The following PCDH11X variants were observed in gnomAD, a reference collection of about 807,000 sequenced individuals.
The protein encoded by PCDH11X is protocadherin-11 X-linked.
In PCDH11X, 18 loss-of-function variants were observed where a neutral mutation model predicts 53.3. That is an observed-to-expected ratio of 0.34 (90% CI 0.23 to 0.50). PCDH11X has a LOEUF of 0.50. PCDH11X is among the 20% of genes least tolerant of loss of function. The probability of loss-of-function intolerance (pLI) is 0.98; values close to 1 mark genes in which losing one functional copy is unlikely to be tolerated. For missense variants in PCDH11X, 570 were observed against 1,032.4 expected (o/e 0.55, Z 6.14); for synonymous variants, 279 against 393.3 (o/e 0.71, Z 3.44).
At chrX:92,340,295 C>A (rs5984929) in intron 8 of PCDH11X, among the ~76,000 whole-genome samples, 1 of 110,800 alleles carries the variant, frequency 9.0e-6, no homozygotes, top group African/African-American at 3.3e-5. Flanking sequence ...ACAGTATGAG[C>A]TCTCAGTGGG....
chrX:91,945,034 G>A (rs1260847034), intron 6 of PCDH11X, among the ~76,000 whole-genome samples: 35 of 54,081 alleles, frequency 6.5e-4, no homozygotes, highest in African/African-American at 2.0e-3. Context: ...CTAAGTCTTC[G>A]TAGACATCAT....
intron 9 of PCDH11X, among the ~76,000 whole-genome samples, chrX:92,410,318 G>A (rs1217347580): frequency 9.5e-6 from 1 of 105,389 alleles, no homozygotes; most frequent in Non-Finnish European, 1.9e-5. Context: ...TGGAGATAGA[G>A]TGAATCACCT....
intron 8 of PCDH11X, among the ~76,000 whole-genome samples, chrX:92,312,450 C>T (rs2068970879): frequency 9.1e-6 from 1 of 109,725 alleles, no homozygotes; most frequent in South Asian, 3.9e-4. Flanking sequence ...TGTAATAATA[C>T]GATTTTTATA....
At position 91,857,235 on chromosome X, in the gene PCDH11X, AT is replaced by A. The variant is rs763060627; in HGVS notation, c.541-19544del. On this transcript the variant is annotated intron_variant, in intron 5 of 10. Transcript: ENST00000682573. ...GAAACCATCAGATCTCATGAGACTTATTCACTATCACAAGAACAGCACAGGA... is the reference window on the plus strand; with the variant it reads ...GAAACCATCAGATCTCATGAGACTTATCACTATCACAAGAACAGCACAGGA... 1.1e-3 allele frequency among the ~76,000 whole-genome samples: 123 copies of A among 110,954 alleles called. 3 individuals are homozygous for A. The South Asian group carries it at 0.048, about 43-fold the overall frequency.
intron 6 of PCDH11X, among the ~76,000 whole-genome samples, chrX:92,185,461 A>T (rs1003613866): frequency 8.1e-5 from 9 of 111,382 alleles, no homozygotes; most frequent in African/African-American, 2.9e-4. Flanking sequence ...AGAAGATTTC[A>T]TAGATAAGAC....
intron 5 of PCDH11X, among the ~76,000 whole-genome samples, chrX:91,860,264 G>T (rs1243224990): frequency 9.4e-6 from 1 of 106,679 alleles, no homozygotes; most frequent in South Asian, 4.4e-4. Flanking sequence ...TTGGCTCTCT[G>T]CTTATCTGTT....
chrX:92,420,267 A>T (rs2071933712), intron 9 of PCDH11X, among the ~76,000 whole-genome samples: 1 of 112,183 alleles, frequency 8.9e-6, no homozygotes, highest in Admixed American at 9.4e-5. Context: ...TACATAATTT[A>T]AGGAATTTAA....
chrX:91,796,750 A>G (rs752185583), intron 1 of PCDH11X, among the ~76,000 whole-genome samples: 2 of 111,555 alleles, frequency 1.8e-5, no homozygotes, highest in Admixed American at 9.5e-5. Flanking sequence ...GTTGGTACAA[A>G]TTAATCCTTA....
intron 7 of PCDH11X, among the ~76,000 whole-genome samples, chrX:92,225,622 G>C (rs1206584947): frequency 9.0e-6 from 1 of 111,308 alleles, no homozygotes; most frequent in African/African-American, 3.3e-5. Context: ...AAAGGCACTG[G>C]AGCTGGAATT....
chrX:92,178,119 C>T (rs1022304026), intron 6 of PCDH11X, among the ~76,000 whole-genome samples: 1 of 111,138 alleles, frequency 9.0e-6, no homozygotes, highest in Non-Finnish European at 1.9e-5. Flanking sequence ...GAAACTAAAA[C>T]ATTTTAACAA....
intron 8 of PCDH11X, among the ~76,000 whole-genome samples, chrX:92,286,238 G>A (rs773424035): frequency 4.7e-5 from 5 of 107,390 alleles, no homozygotes; most frequent in Admixed American, 4.0e-4. Flanking sequence ...GCTTTATCAC[G>A]CCTACGTAAT....
Position 92,381,339 on chromosome X carries a change from T to C in PCDH11X, c.3145-6396T>C, listed in dbSNP as rs1362727784. 5.4e-5 allele frequency among the ~76,000 whole-genome samples: 6 copies of C among 111,423 alleles called. No homozygotes were observed. In the Admixed American group the frequency reaches 5.8e-4, roughly 11 times the overall value. On this transcript the variant is annotated intron_variant, in intron 8 of 10. Coordinates refer to ENST00000682573, the MANE Select transcript of PCDH11X (RefSeq NM_032968.5). ...AAAGCAGCAATTGTTTTCCATGTGCTAATGAACACCAGGTAAAAAAGATGA... is the reference window on the plus strand; with the variant it reads ...AAAGCAGCAATTGTTTTCCATGTGCCAATGAACACCAGGTAAAAAAGATGA...
At chrX:92,375,168 T>TATATATA (rs2070720461) in intron 8 of PCDH11X, among the ~76,000 whole-genome samples, 3 of 6,598 alleles carry the variant, frequency 4.5e-4, no homozygotes, top group Non-Finnish European at 9.7e-4. Context: ...ATATATATAT[T>TATATATA]TTTTTTTTTT....
chrX:92,153,884 G>A (rs1304148654), intron 6 of PCDH11X, among the ~76,000 whole-genome samples: 1 of 110,318 alleles, frequency 9.1e-6, no homozygotes, highest in African/African-American at 3.3e-5. Context: ...TAATATTTTT[G>A]ATGAAAACAA....
chrX:91,918,811 G>C (rs1022229081), intron 6 of PCDH11X, among the ~76,000 whole-genome samples: 1 of 110,888 alleles, frequency 9.0e-6, no homozygotes, highest in African/African-American at 3.3e-5. Flanking sequence ...ATTTTTATGA[G>C]CACATGATAA....
intron 6 of PCDH11X, among the ~76,000 whole-genome samples, chrX:92,086,688 G>A (rs183403940): frequency 0.022 from 2,422 of 110,534 alleles, 62 homozygotes; most frequent in African/African-American, 0.076. Flanking sequence ...TTAAAAATAC[G>A]AAACTTTTTT....
chrX:92,557,237 C>T (rs1037898414), intron 10 of PCDH11X, among the ~76,000 whole-genome samples: 5 of 109,680 alleles, frequency 4.6e-5, no homozygotes, highest in African/African-American at 1.7e-4. Context: ...GTTAATTAGG[C>T]AAATTTCTGC....
rs768994403 is a variant in PCDH11X, at chrX:92,618,511, C to T, written c.3615C>T (p.Ile1205=). 22 of 1,209,653 alleles carry T rather than the reference C, an allele frequency of 1.8e-5. No individual in the cohort carries two copies. The highest frequency in any genetic ancestry group is 5.9e-5 in the East Asian group (2 of 33,739). The change falls in exon 11 of 11, where the codon ATC becomes ATT. Residue 1205 remains isoleucine (I), a synonymous_variant. Coordinates refer to ENST00000682573, the MANE Select transcript of PCDH11X (RefSeq NM_032968.5). ...LCHSPPVTQT[I]ALCHSPPPIQ... ...ACAGCCCTCCAGTGACACAGACCAT[C>T]GCATTGTGCCACAGCCCACCACCGA...
Position 92,619,018 on chromosome X carries a change from G to T in PCDH11X, c.*78G>T. ...AAGATACAATTCCAATGAGTATTCTGATTATCAGATTTGTAAATAACTATG... is the reference window on the plus strand; with the variant it reads ...AAGATACAATTCCAATGAGTATTCTTATTATCAGATTTGTAAATAACTATG... On this transcript the variant is annotated 3_prime_UTR_variant, in exon 11 of 11. Coordinates refer to ENST00000682573, the MANE Select transcript of PCDH11X (RefSeq NM_032968.5). 2.0e-6 allele frequency: 2 copies of T among 984,830 alleles called. No homozygotes were observed. Among genetic ancestry groups the T allele is most frequent in the Non-Finnish European group, 2.9e-6 (2 of 701,307 alleles). 81.2% of individuals were successfully genotyped at this position (984,830 alleles called of 1,213,427 possible).
Sources: allele counts gnomAD v4.1 joint callset (sites outside exome capture counted in the v4.1 genomes callset), GRCh38; gene constraint gnomAD v4.1.1; transcripts MANE v1.5; gene names NCBI Gene and HGNC (gene_info 2026-07-23, HGNC 2026-07-21).